Variants in PDE4D observed in about 807,000 individuals in gnomAD.
The protein encoded by PDE4D is phosphodiesterase 4D, also known as 3',5'-cyclic-AMP phosphodiesterase 4D.
A neutral mutation model predicts 87.4 loss-of-function variants in PDE4D; 24 were observed. The observed-to-expected ratio is 0.27, with a 90% CI of 0.20 to 0.39. The LOEUF (loss-of-function observed/expected upper bound fraction) is 0.39. Among genes scored for constraint, PDE4D ranks in the 10% least tolerant of loss-of-function variants. The probability of loss-of-function intolerance (pLI) is 1.00; values close to 1 mark genes in which losing one functional copy is unlikely to be tolerated. For missense variants in PDE4D, 714 were observed against 1,041.0 expected, an observed-to-expected ratio of 0.69 and a Z score of 4.32; for synonymous variants, 384 against 383.2, an observed-to-expected ratio of 1.00 and a Z score of -0.02.
intron 1 of PDE4D, among the ~76,000 whole-genome samples, chr5:60,324,441 G>T (rs574896053): frequency 2.0e-5 from 3 of 152,302 alleles, no homozygotes; most frequent in African/African-American, 7.2e-5. Context: ...TGAAAGAACA[G>T]AACTGTCAAT....
chr5:59,073,507 C>CGGCG lies in PDE4D; in HGVS notation c.809-34537_809-34536insCGCC, dbSNP rs1176988759. Among the ~76,000 whole-genome samples, 4 of 38,152 alleles carry CGGCG rather than the reference C, an allele frequency of 1.0e-4. 1 individual carries two copies. Among genetic ancestry groups the CGGCG allele is most frequent in the Non-Finnish European group, 1.8e-4 (3 of 16,386 alleles). The allele number at this position is 38,152 out of a possible 152,430, so 25.0% of individuals were successfully genotyped here. A position where few individuals can be genotyped will look rare whatever the true frequency, so the allele number is the denominator to read the frequency against. On this transcript the variant is annotated intron_variant, in intron 5 of 14. Coordinates refer to ENST00000340635, the MANE Select transcript of PDE4D (RefSeq NM_001104631.2). The stretch of plus-strand genomic sequence containing the variant: ...AAGATACAGAAAATAAAGTGGGGGG[C>CGGCG]GGGGGGGGCGGGTGGTTGGAGATGA...
At chr5:60,288,826 G>A (rs1752644892) in intron 1 of PDE4D, among the ~76,000 whole-genome samples, 1 of 152,118 alleles carries the variant, frequency 6.6e-6, no homozygotes, top group South Asian at 2.1e-4. Flanking sequence ...ATTGCAACAA[G>A]AACATCAATG....
chr5:60,214,187 G>T (rs1053013345), intron 1 of PDE4D, among the ~76,000 whole-genome samples: 1 of 152,140 alleles, frequency 6.6e-6, no homozygotes, highest in African/African-American at 2.4e-5. Flanking sequence ...CACTTCTCAT[G>T]TAGCCTCCAG....
intron 6 of PDE4D, among the ~76,000 whole-genome samples, chr5:59,012,037 T>G (rs1402000786): frequency 6.6e-6 from 1 of 152,204 alleles, no homozygotes; most frequent in Admixed American, 6.5e-5. Context: ...ACTCAGAATT[T>G]CATACCCAGC....
Position 59,430,365 on chromosome 5 carries a change from G to A in PDE4D, c.456-214397C>T, listed in dbSNP as rs1446530261. 6 of 1,231,154 alleles carry A rather than the reference G, an allele frequency of 4.9e-6. No homozygotes were observed. In the East Asian group the frequency reaches 1.9e-4, roughly 39 times the overall value. 76.3% of individuals were successfully genotyped at this position (1,231,154 alleles called of 1,614,324 possible). A position where few individuals can be genotyped will look rare whatever the true frequency, so the allele number is the denominator to read the frequency against. ...GTGATCCATGAACATAAGCGCTTCG[G>A]AATCTAGCCACCTTCCCCAGAGTCA... On this transcript the variant is annotated intron_variant, in intron 1 of 14. Coordinates refer to ENST00000340635, the MANE Select transcript of PDE4D (RefSeq NM_001104631.2).
At chr5:60,434,014 C>T (rs530217412) in intron 1 of PDE4D, among the ~76,000 whole-genome samples, 184 of 152,074 alleles carry the variant, frequency 1.2e-3, no homozygotes, top group Non-Finnish European at 2.2e-3. Context: ...TACACCAAAC[C>T]CCCAAAACAC....
At chr5:59,226,407 A>G (rs1228936713) in intron 1 of PDE4D, among the ~76,000 whole-genome samples, 1 of 152,166 alleles carries the variant, frequency 6.6e-6, no homozygotes, top group African/African-American at 2.4e-5. Flanking sequence ...AAAGATAAAT[A>G]TTGCATGATC....
intron 1 of PDE4D, among the ~76,000 whole-genome samples, chr5:60,201,694 G>A (rs1583055819): frequency 1.3e-5 from 2 of 152,082 alleles, no homozygotes; most frequent in African/African-American, 4.8e-5. Context: ...GTCTCCCATT[G>A]CTTGTGTATT....
At chr5:59,355,459 C>T (rs1781230573) in intron 1 of PDE4D, among the ~76,000 whole-genome samples, 1 of 152,066 alleles carries the variant, frequency 6.6e-6, no homozygotes, top group African/African-American at 2.4e-5. Flanking sequence ...TGGAAATATG[C>T]ACAGTAATGT....
intron 1 of PDE4D, among the ~76,000 whole-genome samples, chr5:59,732,335 G>C (rs772376218): frequency 1.4e-5 from 2 of 147,850 alleles, no homozygotes; most frequent in Non-Finnish European, 3.0e-5. Context: ...TTTGTAAAAA[G>C]CTATATTTTA....
chr5:60,100,415 A>G (rs1776100387), intron 2 of PDE4D, among the ~76,000 whole-genome samples: 2 of 152,128 alleles, frequency 1.3e-5, no homozygotes, highest in South Asian at 4.1e-4. Flanking sequence ...AAAAATATTA[A>G]TTTAGGAAGG....
chr5:60,338,844 C>T (rs981733217), intron 1 of PDE4D, among the ~76,000 whole-genome samples: 1 of 152,054 alleles, frequency 6.6e-6, no homozygotes, highest in Non-Finnish European at 1.5e-5. Flanking sequence ...GGAGAGGGGC[C>T]TGAATCCCTA....
chr5:59,688,919 C>A (rs1750396841), intron 1 of PDE4D, among the ~76,000 whole-genome samples: 1 of 152,172 alleles, frequency 6.6e-6, no homozygotes, highest in South Asian at 2.1e-4. Flanking sequence ...ATACAAACTA[C>A]TATCAGAGAA....
chr5:60,267,119 TA>T (rs1483263320), intron 1 of PDE4D, among the ~76,000 whole-genome samples: 4 of 152,184 alleles, frequency 2.6e-5, no homozygotes, highest in Non-Finnish European at 4.4e-5. Flanking sequence ...AATAAGGACG[TA>T]AAACTGTCCG....
chr5:60,299,457 A>G (rs997853653), intron 1 of PDE4D, among the ~76,000 whole-genome samples: 2 of 152,158 alleles, frequency 1.3e-5, no homozygotes, highest in Non-Finnish European at 2.9e-5. Context: ...ACACAGGTAA[A>G]CATGTGCCAT....
intron 5 of PDE4D, among the ~76,000 whole-genome samples, chr5:59,122,139 C>A (rs1774624326): frequency 3.2e-5 from 1 of 31,578 alleles, no homozygotes; most frequent in Admixed American, 5.2e-4. Context: ...AAGACTCTAT[C>A]TCAAAAAAAA....
intron 1 of PDE4D, among the ~76,000 whole-genome samples, chr5:59,612,849 G>A (rs1008913089): frequency 6.6e-6 from 1 of 152,152 alleles, no homozygotes; most frequent in African/African-American, 2.4e-5. Context: ...TGCTTGGATA[G>A]TTGTGGGAAT....
chr5:59,880,308 G>T (rs767002563), intron 1 of PDE4D, among the ~76,000 whole-genome samples: 2 of 151,858 alleles, frequency 1.3e-5, no homozygotes, highest in Non-Finnish European at 2.9e-5. Flanking sequence ...CAGGGTTTTG[G>T]TCTGTTGTCC....
intron 5 of PDE4D, among the ~76,000 whole-genome samples, chr5:59,087,992 T>A (rs1403550554): frequency 1.3e-5 from 2 of 152,226 alleles, no homozygotes. Flanking sequence ...CCTCAGTTGC[T>A]GGTCCTTGAA....
Sources: allele counts gnomAD v4.1 joint callset (sites outside exome capture counted in the v4.1 genomes callset), GRCh38; gene constraint gnomAD v4.1.1; transcripts MANE v1.5; gene names NCBI Gene and HGNC (gene_info 2026-07-23, HGNC 2026-07-21).